Variants in RIPOR2 observed in about 807,000 individuals in gnomAD.
RIPOR2 encodes the protein RHO family interacting cell polarization regulator 2, also known as rho family-interacting cell polarization regulator 2.
RIPOR2 carries 39 observed loss-of-function variants against 114.5 expected under a neutral mutation model. That is an observed-to-expected ratio of 0.34 (90% confidence interval 0.26 to 0.44). The LOEUF (loss-of-function observed/expected upper bound fraction) is 0.44. Ranked by LOEUF, RIPOR2 falls within the 20% of genes least tolerant of loss-of-function variation. The pLI is 1.00. For missense variants in RIPOR2, 1,007 were observed against 1,255.1 expected (o/e 0.80, Z 2.99); for synonymous variants, 445 against 484.4 (o/e 0.92, Z 1.07).
At position 24,870,886 on chromosome 6, in the gene RIPOR2, C is replaced by T; in HGVS notation, c.427G>A (p.Val143Ile). 6.3e-7 allele frequency: 1 copy of T among 1,594,484 alleles called. No individual in the cohort carries two copies. The highest frequency in any genetic ancestry group is 2.3e-5 in the East Asian group (1 of 44,128). ...CTTACCTTGTCTAGGTCATACAGTA[C>T]ACCCTACAATAAAAAAAGGAATATC... is the stretch of plus-strand genomic sequence containing the variant. ...KDMKRNSRLG[V>I]LYDLDKQIKT... The change falls in exon 5 of 22, where the codon GTA (valine) becomes ATA (isoleucine). Residue 143 changes from valine (V) to isoleucine (I), a missense_variant. Transcript: ENST00000643898.
At chr6:24,994,092 A>G (rs1774946136) in intron 1 of RIPOR2, among the ~76,000 whole-genome samples, 1 of 152,210 alleles carries the variant, frequency 6.6e-6, no homozygotes. Flanking sequence ...GCTCCCAGAC[A>G]AAGGTATGAC....
At chr6:24,882,907 C>T (rs566624590) in intron 1 of RIPOR2, among the ~76,000 whole-genome samples, 1 of 152,296 alleles carries the variant, frequency 6.6e-6, no homozygotes, top group East Asian at 1.9e-4. Flanking sequence ...GTCCGCATTA[C>T]ATGTGCCTTT....
Position 25,041,907 on chromosome 6 carries a change from A to C in RIPOR2, c.20T>G (p.Leu7Ter). The stretch of plus-strand genomic sequence containing the variant: ...CCATGGCCTGTTTCTGATCCAGTGT[A>C]ATCGCGAAGGTAACACCATGGTCCC... Residue 7 changes from leucine to a stop codon, truncating the protein, a stop_gained, in exon 1 of 14, where the codon TTA becomes TGA. Coordinates refer to the RIPOR2 transcript ENST00000510784. LOFTEE classifies it high-confidence loss of function. The C allele has an allele frequency of 1.4e-6, 1 of 702,918 alleles. No individual in the cohort carries two copies. The highest frequency in any genetic ancestry group is 2.6e-6 in the Non-Finnish European group (1 of 384,968). 43.5% of individuals were successfully genotyped at this position (702,918 alleles called of 1,614,324 possible). A position where few individuals can be genotyped will look rare whatever the true frequency, so the allele number is the denominator to read the frequency against.
upstream of RIPOR2, among the ~76,000 whole-genome samples, chr6:24,940,501 G>A (rs780149528): frequency 3.9e-5 from 6 of 152,012 alleles, no homozygotes; most frequent in African/African-American, 1.5e-4. Context: ...GGAGTGGTAG[G>A]AATCAGAAAA....
rs558518192 is a variant in RIPOR2, at chr6:24,851,758, A to AAC, written c.759+816_759+817insGT. On this transcript the variant is annotated intron_variant, in intron 9 of 21. Transcript: ENST00000643898. ...TTGGCCCTTGGATCAGGAAAAAAAA[A>AAC]AAAAAACCTGCTTACCTAGTACAAT... Among the ~76,000 whole-genome samples, 339 of 152,186 alleles carry AAC rather than the reference A, an allele frequency of 2.2e-3. 1 individual carries two copies. Among genetic ancestry groups the AAC allele is most frequent in the African/African-American group, 7.8e-3 (324 of 41,514 alleles).
chr6:25,024,466 T>C, intron 1 of RIPOR2: 1 of 866,346 alleles, frequency 1.2e-6, no homozygotes, highest in Admixed American at 1.8e-5. Flanking sequence ...AGAACTCTCA[T>C]GGAGCCTTTG....
chr6:24,962,271 T>C (rs564161382), intron 1 of RIPOR2, among the ~76,000 whole-genome samples: 2 of 152,314 alleles, frequency 1.3e-5, no homozygotes, highest in East Asian at 3.9e-4. Context: ...AACAAGTTGT[T>C]TGGACTTAAA....
chr6:25,005,738 T>TATACATACATACATAC (rs1554130561), intron 1 of RIPOR2, among the ~76,000 whole-genome samples: 3 of 70,700 alleles, frequency 4.2e-5, no homozygotes, highest in Admixed American at 1.6e-4. Context: ...TATATATATA[T>TATACATACATACATAC]ATACATTTAC....
intron 1 of RIPOR2, among the ~76,000 whole-genome samples, chr6:24,902,882 A>T (rs1395670242): frequency 6.6e-6 from 1 of 152,210 alleles, no homozygotes; most frequent in Non-Finnish European, 1.5e-5. Context: ...ACAGGGAAGA[A>T]ATTTGATAGG....
At chr6:24,867,345 C>A (rs2113859158) in intron 6 of RIPOR2, among the ~76,000 whole-genome samples, 2 of 152,334 alleles carry the variant, frequency 1.3e-5, no homozygotes, top group Middle Eastern at 6.8e-3. Context: ...TGCTGATGCC[C>A]AGGCCCCACT....
intron 1 of RIPOR2, among the ~76,000 whole-genome samples, chr6:25,038,920 C>T (rs545614764): frequency 3.1e-4 from 47 of 152,366 alleles, no homozygotes; most frequent in Middle Eastern, 6.8e-3. Context: ...CAAGCCAGGG[C>T]CTGGCCCCCG....
chr6:25,002,248 C>T (rs1050253380), intron 1 of RIPOR2, among the ~76,000 whole-genome samples: 5 of 152,178 alleles, frequency 3.3e-5, no homozygotes, highest in Non-Finnish European at 7.3e-5. Flanking sequence ...GTTAGGACAA[C>T]CATATAAGTA....
intron 13 of RIPOR2, among the ~76,000 whole-genome samples, chr6:24,841,798 T>G (rs901951551): frequency 2.0e-5 from 3 of 151,576 alleles, no homozygotes; most frequent in Non-Finnish European, 4.4e-5. Context: ...TTGTATTTTT[T>G]GTAGAGATGG....
chr6:24,848,243 A>G, intron 11 of RIPOR2, 89 bp from the exon 12 acceptor site: 8 of 1,341,576 alleles, frequency 6.0e-6, no homozygotes, highest in Non-Finnish European at 8.2e-6. Context: ...CTCATTATAT[A>G]AAGGTAAACT....
upstream of RIPOR2, among the ~76,000 whole-genome samples, chr6:24,936,810 GT>G (rs1169676697): frequency 1.3e-5 from 2 of 152,148 alleles, no homozygotes; most frequent in Admixed American, 6.5e-5. Flanking sequence ...TCATTTCGGG[GT>G]TTCCCAGAGC....
intron 1 of RIPOR2, among the ~76,000 whole-genome samples, chr6:25,029,559 G>A (rs547267286): frequency 1.3e-5 from 2 of 152,000 alleles, no homozygotes; most frequent in Admixed American, 6.6e-5. Flanking sequence ...CCTCACAGAT[G>A]AGCAGGGGCA....
intron 19 of RIPOR2, among the ~76,000 whole-genome samples, chr6:24,820,957 C>T (rs1294570024): frequency 5.5e-5 from 8 of 144,840 alleles, no homozygotes; most frequent in African/African-American, 2.1e-4. Context: ...ACTGCAAACT[C>T]CGCCTCCTGG....
intron 1 of RIPOR2, chr6:25,024,508 G>T: frequency 1.4e-6 from 1 of 718,026 alleles, no homozygotes; most frequent in Non-Finnish European, 2.4e-6. Flanking sequence ...GGAGGCGCGA[G>T]TTCCCAGCGT....
At position 24,839,073 on chromosome 6, in the gene RIPOR2, C is replaced by T. The variant is rs1352519922; in HGVS notation, c.2039+18G>A. On this transcript the variant is annotated intron_variant, in intron 14 of 21. Coordinates refer to ENST00000643898, the MANE Select transcript of RIPOR2 (RefSeq NM_001286445.3). ...CTGTGACAGGAGAAATATAAGGAGACACTAACTTCAGACTTACCTGTGTTT... is the reference window on the plus strand; with the variant it reads ...CTGTGACAGGAGAAATATAAGGAGATACTAACTTCAGACTTACCTGTGTTT... The T allele has an allele frequency of 1.9e-6, 3 of 1,542,828 alleles. No individual in the cohort carries two copies. Among genetic ancestry groups the T allele is most frequent in the East Asian group, 4.9e-5 (2 of 40,842 alleles).
Sources: gnomAD v4.1 joint callset for allele counts (sites outside exome capture counted in the v4.1 genomes callset) on GRCh38, gnomAD v4.1.1 for gene constraint, MANE v1.5 for transcripts, NCBI Gene and HGNC (gene_info 2026-07-23, HGNC 2026-07-21) for gene names.